Variants in ACOT11 observed in about 807,000 individuals in gnomAD.
ACOT11 encodes the protein acyl-CoA thioesterase 11, also known as acyl-coenzyme A thioesterase 11.
In ACOT11, 69 loss-of-function variants were observed where a neutral mutation model predicts 77.5. The ratio of observed to expected loss-of-function variants is 0.89; its 90% confidence interval spans 0.73 to 1.09. The LOEUF is 1.09. Among genes scored for constraint, ACOT11 ranks in the 50% least tolerant of loss-of-function variants. The pLI is 0.00. For synonymous variants in ACOT11, 279 were observed against 313.0 expected (o/e 0.89, Z 1.15); for missense variants, 766 against 813.7 (o/e 0.94, Z 0.71).
rs776686227 is a variant in ACOT11 at position 54,605,179 on chromosome 1, G to A, written c.1340G>A (p.Arg447His). ...GCCTTCCTGCTGCTCTCGGACCTGC[G>A]TCAGAGGCCAGAGTGGGACAAGCAC... ...AQAFLLLSDL[R>H]QRPEWDKHYR... Residue 447 changes from arginine to histidine, a missense_variant, in exon 13 of 16, where the codon CGT becomes CAT. By Grantham distance (29) the Arg-to-His change is conservative. Transcript: ENST00000343744. 2.1e-5 allele frequency: 34 copies of A among 1,613,572 alleles called. No homozygotes were observed. The highest frequency in any genetic ancestry group is 2.6e-5 in the Non-Finnish European group (31 of 1,180,030).
intron 15 of ACOT11, among the ~76,000 whole-genome samples, chr1:54,627,010 C>G (rs946763087): frequency 7.5e-6 from 1 of 134,120 alleles, no homozygotes; most frequent in African/African-American, 2.5e-5. Context: ...GTGCGCACCA[C>G]CACGCTCAGC....
chr1:54,609,268 T>G lies in ACOT11; in HGVS notation c.*156T>G. ...CCGCTGGCCCACCACCCCTGGGTGC[T>G]CAGTTTCTACCAACATGAGCCAGCA... On this transcript the variant is annotated 3_prime_UTR_variant, in exon 16 of 16. Transcript: ENST00000343744. 1 of 1,601,680 alleles carries G rather than the reference T, an allele frequency of 6.2e-7. No individual in the cohort carries two copies. Among genetic ancestry groups the G allele is most frequent in the Non-Finnish European group, 8.5e-7 (1 of 1,171,628 alleles).
chr1:54,612,113 A>T (rs566488617), downstream of ACOT11, among the ~76,000 whole-genome samples: 45 of 133,266 alleles, frequency 3.4e-4, no homozygotes, highest in African/African-American at 1.2e-3. Flanking sequence ...GGTAGGGGGT[A>T]TAGTGGGGGC....
exon 17 of ACOT11, chr1:54,636,908 A>C (rs917860611): frequency 6.3e-6 from 1 of 159,024 alleles, no homozygotes; most frequent in Non-Finnish European, 1.4e-5. Flanking sequence ...CATCTTGCAC[A>C]GCCCTTAATC....
intron 1 of ACOT11, among the ~76,000 whole-genome samples, chr1:54,552,079 G>A (rs1653090668): frequency 6.6e-6 from 1 of 152,142 alleles, no homozygotes; most frequent in African/African-American, 2.4e-5. Flanking sequence ...ACGGTTCACG[G>A]TGTGACCTTT....
chr1:54,559,080 G>A (rs992799193), intron 1 of ACOT11, among the ~76,000 whole-genome samples: 2 of 152,210 alleles, frequency 1.3e-5, no homozygotes, highest in South Asian at 4.1e-4. Flanking sequence ...AGAGAAGTGA[G>A]GTGACATGCC....
chr1:54,562,549 A>T (rs75102660), intron 1 of ACOT11, among the ~76,000 whole-genome samples: 23 of 55,582 alleles, frequency 4.1e-4, no homozygotes, highest in Non-Finnish European at 6.3e-4. Flanking sequence ...GGGCTGACCC[A>T]CCCCCCACCT....
At position 54,567,303 on chromosome 1, in the gene ACOT11, C is replaced by T. The variant is rs1192074587; in HGVS notation, c.34-17352C>T. ...TTTCCTTTTTTTTTTTTTTGAGATGCAGTCTCACTCTGTCTCCCAGGCTGG... is the reference window on the plus strand; with the variant it reads ...TTTCCTTTTTTTTTTTTTTGAGATGTAGTCTCACTCTGTCTCCCAGGCTGG... On this transcript the variant is annotated intron_variant, in intron 1 of 15. Coordinates refer to ENST00000343744, the MANE Select transcript of ACOT11 (RefSeq NM_147161.4). Among the ~76,000 whole-genome samples the T allele has an allele frequency of 3.5e-5, 5 of 142,216 alleles. No homozygotes were observed. In the Admixed American group the frequency reaches 3.6e-4, roughly 10 times the overall value. 93.3% of individuals were successfully genotyped at this position (142,216 alleles called of 152,430 possible). A position where few individuals can be genotyped will look rare whatever the true frequency, so the allele number is the denominator to read the frequency against.
chr1:54,551,732 GTT>G (rs548318091), intron 1 of ACOT11, among the ~76,000 whole-genome samples: 1 of 149,810 alleles, frequency 6.7e-6, no homozygotes, highest in Non-Finnish European at 1.5e-5. Flanking sequence ...TTTTTGTTTT[GTT>G]TTGTTTTTGT....
Position 54,610,030 on chromosome 1 carries a change from T to A in ACOT11, c.*918T>A. The A allele has an allele frequency of 4.1e-6, 6 of 1,480,080 alleles. No individual in the cohort carries two copies. Among genetic ancestry groups the A allele is most frequent in the Non-Finnish European group, 1.8e-6 (2 of 1,119,604 alleles). The allele number at this position is 1,480,080 out of a possible 1,614,324, so 91.7% of individuals were successfully genotyped here. ...CTTGTTAAAGGGGCAGTGGGAGTTATGGGGTCATCAAGGACCTTGCCTCTC... is the reference window on the plus strand; with the variant it reads ...CTTGTTAAAGGGGCAGTGGGAGTTAAGGGGTCATCAAGGACCTTGCCTCTC... On this transcript the variant is annotated 3_prime_UTR_variant, in exon 16 of 16. Coordinates refer to ENST00000343744, the MANE Select transcript of ACOT11 (RefSeq NM_147161.4).
intron 15 of ACOT11, among the ~76,000 whole-genome samples, chr1:54,628,705 A>G (rs544274840): frequency 1.5e-5 from 2 of 132,140 alleles, no homozygotes; most frequent in Admixed American, 1.6e-4. Context: ...TTTTATTTAA[A>G]GTAGTTTCAT....
In ACOT11 at chr1:54,607,325, C is replaced by A; in HGVS notation, c.1502+60C>A. 6.3e-7 allele frequency: 1 copy of A among 1,595,624 alleles called. No homozygotes were observed. Among genetic ancestry groups the A allele is most frequent in the South Asian group, 1.1e-5 (1 of 90,288 alleles). On this transcript the variant is annotated intron_variant, in intron 14 of 15. Transcript: ENST00000343744. This position sits in a 1 kb window ranked among gnomAD's most constrained non-coding sequence, Gnocchi z 4.5. ...ACTGGACAGGGTGGTAGGGTGGCCG[C>A]TTCTCCCTCCCAGGGAAGGGCATCA... is the stretch of plus-strand genomic sequence containing the variant.
downstream of ACOT11, among the ~76,000 whole-genome samples, chr1:54,614,103 A>G (rs1644146246): frequency 6.6e-6 from 1 of 152,246 alleles, no homozygotes; most frequent in Non-Finnish European, 1.5e-5. Flanking sequence ...CAGCTTTATC[A>G]TCTGCAATAT....
intron 1 of ACOT11, chr1:54,548,555 C>T (rs1214582244): frequency 1.6e-6 from 1 of 641,050 alleles, no homozygotes; most frequent in African/African-American, 1.8e-5. Flanking sequence ...TGTCAGATCC[C>T]CCACGGGCTG....
chr1:54,593,107 G>T (rs555873835), intron 4 of ACOT11, among the ~76,000 whole-genome samples: 1 of 152,132 alleles, frequency 6.6e-6, no homozygotes, highest in Non-Finnish European at 1.5e-5. Context: ...TGTGAGCTGT[G>T]GGGGAGGGCT....
chr1:54,614,927 G>C (rs1644155963), downstream of ACOT11: 2 of 1,468,196 alleles, frequency 1.4e-6, no homozygotes, highest in Non-Finnish European at 1.9e-6. Flanking sequence ...TCCCTGGGCA[G>C]AAAGCAGAGC....
chr1:54,613,752 T>C (rs1644142636), downstream of ACOT11, among the ~76,000 whole-genome samples: 1 of 152,224 alleles, frequency 6.6e-6, no homozygotes, highest in Admixed American at 6.5e-5. Flanking sequence ...AGACAGGTCA[T>C]ATTTATCTTG....
chr1:54,614,256 C>G (rs1306714620), downstream of ACOT11, among the ~76,000 whole-genome samples: 4 of 152,126 alleles, frequency 2.6e-5, no homozygotes, highest in Non-Finnish European at 5.9e-5. Context: ...GGAATTCCAG[C>G]TGGGGAAGGA....
Position 54,592,585 on chromosome 1 carries a change from G to A in ACOT11, c.351G>A (p.Arg117=). 1 of 1,613,460 alleles carries A rather than the reference G, an allele frequency of 6.2e-7. No homozygotes were observed. The highest frequency in any genetic ancestry group is 1.7e-4 in the Middle Eastern group (1 of 6,058). The change falls in exon 4 of 16, where the codon CGG becomes CGA. Residue 117 remains arginine, a synonymous_variant. Coordinates refer to ENST00000343744, the MANE Select transcript of ACOT11 (RefSeq NM_147161.4). Reference sequence around the variant, plus strand: ...TGAATATCAAGGCCAAGGTGAACCGGGCCTTCAACTCCAGCATGGAGGTGT... The same window carrying A: ...TGAATATCAAGGCCAAGGTGAACCGAGCCTTCAACTCCAGCATGGAGGTGT... ...QVVNIKAKVN[R]AFNSSMEVGI...
Sources: allele counts gnomAD v4.1 joint callset (sites outside exome capture counted in the v4.1 genomes callset), GRCh38; gene constraint gnomAD v4.1.1; non-coding constraint Gnocchi (gnomAD v3.1); transcripts MANE v1.5; gene names NCBI Gene and HGNC (gene_info 2026-07-23, HGNC 2026-07-21).